Variants in PDGFRA observed in about 807,000 individuals in gnomAD.
The protein encoded by PDGFRA is platelet derived growth factor receptor alpha, also known as platelet-derived growth factor receptor alpha.
In PDGFRA, 25 loss-of-function variants were observed where a neutral mutation model predicts 121.5. That is an observed-to-expected ratio of 0.21 (90% CI 0.15 to 0.29). The LOEUF is 0.29. Among genes scored for constraint, PDGFRA ranks in the 10% least tolerant of loss-of-function variants. The pLI is 1.00. For synonymous variants in PDGFRA, 463 were observed against 494.8 expected (o/e 0.94, Z 0.85); for missense variants, 1,008 against 1,345.1 (o/e 0.75, Z 3.92).
intron 16 of PDGFRA, among the ~76,000 whole-genome samples, chr4:54,283,899 C>G (rs550050725): frequency 1.3e-5 from 2 of 152,190 alleles, no homozygotes; most frequent in African/African-American, 4.8e-5. Context: ...CTGCGCCCAG[C>G]CTCTGCTTCT....
chr4:54,229,655 A>C (rs1244923282), intron 1 of PDGFRA, among the ~76,000 whole-genome samples: 2 of 152,068 alleles, frequency 1.3e-5, no homozygotes, highest in African/African-American at 4.8e-5. Flanking sequence ...CACATTTTCC[A>C]GACCTATTTT....
In PDGFRA at chr4:54,296,761, T is replaced by C. The variant is rs1027021567; in HGVS notation, c.*1489T>C. 4.3e-6 allele frequency: 1 copy of C among 232,984 alleles called. No individual in the cohort carries two copies. The highest frequency in any genetic ancestry group is 8.5e-6 in the Non-Finnish European group (1 of 117,898). 14.4% of individuals were successfully genotyped at this position (232,984 alleles called of 1,614,324 possible). A position where few individuals can be genotyped will look rare whatever the true frequency, so the allele number is the denominator to read the frequency against. Reference sequence around the variant, plus strand: ...GAAGTTGCCATGGGAAACAAATAATTTGAACTTTGGAACAGGGTTGGCATT... The same window carrying C: ...GAAGTTGCCATGGGAAACAAATAATCTGAACTTTGGAACAGGGTTGGCATT... On this transcript the variant is annotated 3_prime_UTR_variant, in exon 23 of 23. Coordinates refer to ENST00000257290, the MANE Select transcript of PDGFRA (RefSeq NM_006206.6).
At chr4:54,237,922 G>A (rs1721101823) in intron 1 of PDGFRA, among the ~76,000 whole-genome samples, 1 of 152,206 alleles carries the variant, frequency 6.6e-6, no homozygotes, top group Non-Finnish European at 1.5e-5. Flanking sequence ...CATGGCGTTT[G>A]TATCACACGA....
At chr4:54,249,722 A>C (rs1721937135) in intron 1 of PDGFRA, among the ~76,000 whole-genome samples, 1 of 152,160 alleles carries the variant, frequency 6.6e-6, no homozygotes, top group African/African-American at 2.4e-5. Flanking sequence ...CCAGCATGGC[A>C]CATGTATACA....
At chr4:54,246,921 T>A (rs1460104978) in intron 1 of PDGFRA, among the ~76,000 whole-genome samples, 1 of 150,726 alleles carries the variant, frequency 6.6e-6, no homozygotes, top group African/African-American at 2.4e-5. Flanking sequence ...CAAACTACCA[T>A]CAGAGAATAC....
At chr4:54,280,547 T>A (rs2110325686) in intron 16 of PDGFRA, 65 bp downstream of exon 16, 1 of 1,338,806 alleles carries the variant, frequency 7.5e-7, no homozygotes, top group Non-Finnish European at 1.1e-6. Context: ...ATACTTAAAG[T>A]ATTTAGAGGG....
rs776121704 is a variant in PDGFRA, at chr4:54,267,364, G to A, written c.835G>A (p.Glu279Lys). 5.6e-6 allele frequency: 9 copies of A among 1,613,972 alleles called. No homozygotes were observed. The African/African-American group carries it at 8.0e-5, about 14-fold the overall frequency. The change falls in exon 6 of 23, where the codon GAG becomes AAG. Residue 279 changes from glutamate (E) to lysine (K), a missense_variant. Glu to Lys is a moderately conservative substitution (Grantham distance 56, BLOSUM62 1). This residue lies in a region of PDGFRA where 575 missense variants were observed against 701.8 expected (regional missense o/e 0.82). Coordinates refer to ENST00000257290, the MANE Select transcript of PDGFRA (RefSeq NM_006206.6). ...IKLVYTLTVPEATVKDSGDYE... is the reference protein window; with the variant it reads ...IKLVYTLTVPKATVKDSGDYE... ...ATTGGTGTACACTTTGACGGTCCCC[G>A]AGGCCACGGTGAAAGACAGTGGAGA...
At chr4:54,269,017 G>A (rs575321080) in intron 7 of PDGFRA, among the ~76,000 whole-genome samples, 1 of 152,124 alleles carries the variant, frequency 6.6e-6, no homozygotes, top group Admixed American at 6.5e-5. Context: ...TGGTAGATGG[G>A]GGATCTGGCT....
chr4:54,234,620 T>A (rs903051229), intron 1 of PDGFRA, among the ~76,000 whole-genome samples: 2 of 152,214 alleles, frequency 1.3e-5, no homozygotes, highest in African/African-American at 4.8e-5. Context: ...TCGTGGAAAT[T>A]TGTGTTGTGT....
At chr4:54,236,603 A>T (rs1232344988) in intron 1 of PDGFRA, among the ~76,000 whole-genome samples, 1 of 152,178 alleles carries the variant, frequency 6.6e-6, no homozygotes, top group Non-Finnish European at 1.5e-5. Context: ...GGAGTTCGAG[A>T]TCAGCCTGAC....
chr4:54,237,161 G>C (rs1212852803), intron 1 of PDGFRA, among the ~76,000 whole-genome samples: 2 of 152,106 alleles, frequency 1.3e-5, no homozygotes, highest in African/African-American at 2.4e-5. Flanking sequence ...GTAGAGATGG[G>C]GTTTCATCAT....
Position 54,265,058 on chromosome 4 carries a change from C to A in PDGFRA, c.759+9C>A, listed in dbSNP as rs1323956538. On this transcript the variant is annotated intron_variant, in intron 5 of 22. Coordinates refer to ENST00000257290, the MANE Select transcript of PDGFRA (RefSeq NM_006206.6). ...CTTACCCTGGAGAAGTGGTAGGTAC[C>A]CTCAAAACGTGCAATGGCTTGGAGC... 6.2e-7 allele frequency: 1 copy of A among 1,613,232 alleles called. No individual in the cohort carries two copies. Among genetic ancestry groups the A allele is most frequent in the South Asian group, 1.1e-5 (1 of 91,046 alleles).
chr4:54,267,191 T>C lies in PDGFRA; in HGVS notation c.760-98T>C, dbSNP rs753684671. The C allele has an allele frequency of 2.2e-5, 26 of 1,169,214 alleles. No individual in the cohort carries two copies. The Admixed American group carries it at 3.4e-4, about 15-fold the overall frequency. 72.4% of individuals were successfully genotyped at this position (1,169,214 alleles called of 1,614,324 possible). On this transcript the variant is annotated intron_variant, in intron 5 of 22. Coordinates refer to ENST00000257290, the MANE Select transcript of PDGFRA (RefSeq NM_006206.6). The stretch of plus-strand genomic sequence containing the variant: ...ATTTGTTATAACTGCTGAACCTCCA[T>C]TGACACATCCATATCATCCAGAGTC...
chr4:54,258,561 C>T (rs923525074), intron 1 of PDGFRA, among the ~76,000 whole-genome samples, 196 bp from the exon 2 acceptor site: 13 of 152,128 alleles, frequency 8.5e-5, no homozygotes, highest in Admixed American at 1.3e-4. Context: ...AGGCAGCTCC[C>T]GCCATGATCT....
chr4:54,285,768 C>T (rs1724324010), intron 17 of PDGFRA, 73 bp from the exon 18 acceptor site: 5 of 1,497,756 alleles, frequency 3.3e-6, no homozygotes, highest in Non-Finnish European at 3.7e-6. Flanking sequence ...CATGGATCAG[C>T]CAGTCTTGCA....
At chr4:54,246,813 C>G (rs998719375) in intron 1 of PDGFRA, among the ~76,000 whole-genome samples, 2 of 151,284 alleles carry the variant, frequency 1.3e-5, no homozygotes, top group African/African-American at 4.9e-5. Flanking sequence ...AATTGATAGA[C>G]TGCTAGCAAG....
intron 1 of PDGFRA, among the ~76,000 whole-genome samples, chr4:54,235,787 G>A (rs1720974526): frequency 6.6e-6 from 1 of 152,230 alleles, no homozygotes; most frequent in Non-Finnish European, 1.5e-5. Context: ...TGCAGAAAAA[G>A]TCGTGAAAAT....
At chr4:54,275,485 A>G (rs189616612) in intron 12 of PDGFRA, among the ~76,000 whole-genome samples, 77 of 152,350 alleles carry the variant, frequency 5.1e-4, no homozygotes, top group African/African-American at 1.5e-3. Context: ...AAGTATTTCA[A>G]TCCTGGGCTG....
chr4:54,232,732 C>T (rs977107450), intron 1 of PDGFRA, among the ~76,000 whole-genome samples: 1 of 152,178 alleles, frequency 6.6e-6, no homozygotes, highest in African/African-American at 2.4e-5. Flanking sequence ...TTACAGGTGC[C>T]CGCCACCACG....
Sources: allele counts gnomAD v4.1 joint callset (sites outside exome capture counted in the v4.1 genomes callset), GRCh38; gene constraint gnomAD v4.1.1; regional missense constraint gnomAD v4.1.1; transcripts MANE v1.5; gene names NCBI Gene and HGNC (gene_info 2026-07-23, HGNC 2026-07-21).